DOCK2: variants seen among roughly 807,000 people sequenced by gnomAD.
DOCK2 encodes the protein dedicator of cytokinesis 2.
DOCK2 carries 87 observed loss-of-function variants against 248.9 expected under a neutral mutation model. The ratio of observed to expected loss-of-function variants is 0.35; its 90% CI spans 0.29 to 0.42. The LOEUF is 0.42. Among genes scored for constraint, DOCK2 ranks in the 10% least tolerant of loss-of-function variants. The probability of loss-of-function intolerance (pLI) is 1.00; values close to 1 mark genes in which losing one functional copy is unlikely to be tolerated. For synonymous variants in DOCK2, 805 were observed against 821.6 expected, an observed-to-expected ratio of 0.98 and a Z score of 0.35; for missense variants, 1,747 against 2,300.2, an observed-to-expected ratio of 0.76 and a Z score of 4.92.
rs571630890 is a variant in DOCK2 at position 169,705,793 on chromosome 5, A to T, written c.1384-2376A>T. On this transcript the variant is annotated intron_variant, in intron 14 of 51. Transcript: ENST00000520908. ...TTCTCACCTGATTCCTACCAAGTAA[A>T]CAGGACATGTGTTAGGAGCCTGGTT... Among the ~76,000 whole-genome samples, 60 of 152,226 alleles carry T rather than the reference A, an allele frequency of 3.9e-4. 1 individual carries two copies. The South Asian group carries it at 8.9e-3, about 23-fold the overall frequency.
chr5:169,765,899 A>G (rs1234836787), intron 25 of DOCK2, among the ~76,000 whole-genome samples: 1 of 152,162 alleles, frequency 6.6e-6, no homozygotes, highest in East Asian at 1.9e-4. Context: ...TGTTGCCCAC[A>G]GTATCTGGAG....
intron 27 of DOCK2, among the ~76,000 whole-genome samples, chr5:169,898,645 G>A (rs1227203120): frequency 1.3e-5 from 2 of 151,892 alleles, no homozygotes; most frequent in Non-Finnish European, 1.5e-5. Context: ...CTATATCAGG[G>A]GTCAAAAAAC....
At chr5:169,958,812 G>A (rs1476027993) in intron 27 of DOCK2, among the ~76,000 whole-genome samples, 2 of 151,992 alleles carry the variant, frequency 1.3e-5, no homozygotes, top group Non-Finnish European at 2.9e-5. Flanking sequence ...ATTGGTTCAG[G>A]GCAAAGGGGT....
At chr5:169,770,118 T>C (rs1765003895) in intron 25 of DOCK2, among the ~76,000 whole-genome samples, 2 of 151,980 alleles carry the variant, frequency 1.3e-5, no homozygotes, top group African/African-American at 2.4e-5. Context: ...CATCTTATTA[T>C]TGATCCACAC....
chr5:169,818,136 T>C (rs1036482792), intron 26 of DOCK2, among the ~76,000 whole-genome samples: 2 of 152,110 alleles, frequency 1.3e-5, no homozygotes, highest in African/African-American at 4.8e-5. Context: ...GCGTAACCCA[T>C]AATGTTTTGA....
intron 41 of DOCK2, among the ~76,000 whole-genome samples, chr5:170,054,766 A>G (rs1015813909): frequency 3.3e-5 from 5 of 152,220 alleles, no homozygotes; most frequent in Non-Finnish European, 7.3e-5. Flanking sequence ...TGCTGACACT[A>G]CTGGTCAAAG....
At chr5:169,638,230 C>T (rs1289252415) in intron 1 of DOCK2, among the ~76,000 whole-genome samples, 1 of 152,172 alleles carries the variant, frequency 6.6e-6, no homozygotes, top group Non-Finnish European at 1.5e-5. Context: ...AAGACCCAAA[C>T]ACCCAGAGGG....
intron 27 of DOCK2, among the ~76,000 whole-genome samples, chr5:169,945,016 T>C (rs1481695103): frequency 1.3e-5 from 2 of 152,246 alleles, no homozygotes; most frequent in African/African-American, 4.8e-5. Flanking sequence ...ATTTAAATCC[T>C]GACTACAACT....
rs1168080160 is a variant in DOCK2, at chr5:169,826,579, A to C, written c.2704-14178A>C. Among the ~76,000 whole-genome samples the C allele has an allele frequency of 5.9e-5, 9 of 152,168 alleles. No homozygotes were observed. In the East Asian group the frequency reaches 1.5e-3, roughly 26 times the overall value. The stretch of plus-strand genomic sequence containing the variant: ...TCATGATTGTGGGAAGATCATAATC[A>C]GAATTCCAGGGAGAAGGTAGGAATC... On this transcript the variant is annotated intron_variant, in intron 26 of 51. Transcript: ENST00000520908.
chr5:169,844,400 T>A (rs1770180556), intron 27 of DOCK2, among the ~76,000 whole-genome samples: 1 of 152,230 alleles, frequency 6.6e-6, no homozygotes, highest in South Asian at 2.1e-4. Context: ...GCTGTTTTCC[T>A]TGGTAGATTC....
chr5:169,840,669 T>C (rs1403864589), intron 26 of DOCK2, 88 bp from the exon 27 acceptor site: 4 of 1,162,434 alleles, frequency 3.4e-6, no homozygotes, highest in Non-Finnish European at 5.0e-6. Context: ...AAGATCACCA[T>C]GTCTGACCAC....
chr5:169,903,002 G>A (rs1442447335), intron 27 of DOCK2, among the ~76,000 whole-genome samples: 2 of 152,108 alleles, frequency 1.3e-5, no homozygotes, highest in Admixed American at 6.5e-5. Context: ...GGAGGCTGAG[G>A]CAGGAGAATC....
At chr5:169,724,309 A>G (rs1402697412) in intron 22 of DOCK2, among the ~76,000 whole-genome samples, 1 of 152,222 alleles carries the variant, frequency 6.6e-6, no homozygotes, top group Non-Finnish European at 1.5e-5. Context: ...GAGCTGGAGC[A>G]GGAGTGGTCA....
chr5:169,992,770 G>GT lies in DOCK2; in HGVS notation c.2994-3311dup, dbSNP rs1554124524. 2.9e-3 allele frequency among the ~76,000 whole-genome samples: 385 copies of GT among 130,998 alleles called. 1 individual carries two copies. Among genetic ancestry groups the GT allele is most frequent in the African/African-American group, 8.6e-3 (330 of 38,424 alleles). 85.9% of individuals were successfully genotyped at this position (130,998 alleles called of 152,430 possible). A position where few individuals can be genotyped will look rare whatever the true frequency, so the allele number is the denominator to read the frequency against. ...GAGCCACCGTGCCCAGCCAATTACT[G>GT]TTTTTAAAAAAAAAACAAGAAAAAT... On this transcript the variant is annotated intron_variant, in intron 29 of 51. Transcript: ENST00000520908.
At chr5:169,978,833 T>C (rs1043168490) in intron 27 of DOCK2, among the ~76,000 whole-genome samples, 1 of 152,174 alleles carries the variant, frequency 6.6e-6, no homozygotes, top group African/African-American at 2.4e-5. Flanking sequence ...ATTGCACTTA[T>C]TTTTACACGT....
chr5:169,722,246 A>G (rs776915516), intron 22 of DOCK2, among the ~76,000 whole-genome samples: 13 of 152,168 alleles, frequency 8.5e-5, no homozygotes, highest in Non-Finnish European at 1.5e-4. Flanking sequence ...CAGATGCCCA[A>G]GGTTTCTGAG....
At chr5:169,779,992 G>A (rs1354987173) in intron 25 of DOCK2, among the ~76,000 whole-genome samples, 1 of 152,152 alleles carries the variant, frequency 6.6e-6, no homozygotes, top group Non-Finnish European at 1.5e-5. Flanking sequence ...CTGGGTCACC[G>A]AAGCAGTAAG....
chr5:169,994,188 G>A (rs544464309), intron 29 of DOCK2, among the ~76,000 whole-genome samples: 11 of 152,286 alleles, frequency 7.2e-5, no homozygotes, highest in East Asian at 3.9e-4. Context: ...GAGCTGGAGT[G>A]CAAGCTGGTG....
At position 169,824,155 on chromosome 5, in the gene DOCK2, A is replaced by G. The variant is rs568559268; in HGVS notation, c.2704-16602A>G. ...AGAAATGGAAGAACATTCCATGCTCATGGGTAGGAAGAATCAATATCGTGA... is the reference window on the plus strand; with the variant it reads ...AGAAATGGAAGAACATTCCATGCTCGTGGGTAGGAAGAATCAATATCGTGA... On this transcript the variant is annotated intron_variant, in intron 26 of 51. Coordinates refer to ENST00000520908, the MANE Select transcript of DOCK2 (RefSeq NM_004946.3). Among the ~76,000 whole-genome samples, 859 of 152,298 alleles carry G rather than the reference A, an allele frequency of 5.6e-3. 7 individuals carry two copies. Among genetic ancestry groups the G allele is most frequent in the African/African-American group, 0.02 (814 of 41,578 alleles).
Sources: allele counts gnomAD v4.1 joint callset (sites outside exome capture counted in the v4.1 genomes callset), GRCh38; gene constraint gnomAD v4.1.1; transcripts MANE v1.5; gene names NCBI Gene and HGNC (gene_info 2026-07-23, HGNC 2026-07-21).